Variants in ADAMTS7 observed in about 807,000 individuals in gnomAD.
ADAMTS7 encodes the protein A disintegrin and metalloproteinase with thrombospondin motifs 7.
A neutral mutation model predicts 172.6 loss-of-function variants in ADAMTS7; 89 were observed. The observed-to-expected ratio is 0.52, with a 90% CI of 0.43 to 0.61. ADAMTS7 has a LOEUF of 0.61. Ranked by LOEUF, ADAMTS7 falls within the 20% of genes least tolerant of loss-of-function variation. The pLI is 0.00. For missense variants in ADAMTS7, 1,973 were observed against 2,355.6 expected (o/e 0.84, Z 3.36); for synonymous variants, 885 against 978.4 (o/e 0.90, Z 1.78).
rs1300106375 is a variant in ADAMTS7 at position 78,766,589 on chromosome 15, C to T, written c.3322G>A (p.Gly1108Ser). ...GGCTCTGTGGCAGGCACGGGGCTAC[C>T]CGTGGAGGGCGCAGCAGGATGGCTG... ...PHSHPAAPST[G>S]SPVPATEPPA... Residue 1108 changes from glycine (G) to serine (S), a missense_variant, in exon 19 of 24, where the codon GGT becomes AGT. Gly to Ser is a moderately conservative substitution (Grantham distance 56). Around this residue, in one of 8 missense-constraint regions of ADAMTS7, gnomAD observed 771 missense variants for 952.6 expected, o/e 0.81. Transcript: ENST00000388820. The T allele has an allele frequency of 6.2e-7, 1 of 1,602,040 alleles. No homozygotes were observed. The highest frequency in any genetic ancestry group is 1.1e-5 in the South Asian group (1 of 90,350).
chr15:78,777,434 C>A lies in ADAMTS7; in HGVS notation c.1467+10G>T, dbSNP rs752750314. On this transcript the variant is annotated intron_variant, in intron 9 of 23. Coordinates refer to ENST00000388820, the MANE Select transcript of ADAMTS7 (RefSeq NM_014272.5). ...CCCCACACCCCCACACCCACACCGG[C>A]CCCACTCACATCCATGTCCTCGCAG... 3.7e-6 allele frequency: 6 copies of A among 1,610,844 alleles called. No homozygotes were observed. The highest frequency in any genetic ancestry group is 1.1e-5 in the South Asian group (1 of 90,376).
chr15:78,776,334 C>A lies in ADAMTS7; in HGVS notation c.1561-1G>T. 1 of 1,610,528 alleles carries A rather than the reference C, an allele frequency of 6.2e-7. No homozygotes were observed. Among genetic ancestry groups the A allele is most frequent in the Non-Finnish European group, 8.5e-7 (1 of 1,179,080 alleles). ...GTACGCACTCCCCACTGAGACACCA[C>A]TACTGAGACAGACGGAGGTAGAGCC... On this transcript the variant is annotated splice_acceptor_variant, in intron 10 of 23. Transcript: ENST00000388820. LOFTEE classifies it high-confidence loss of function.
intron 1 of ADAMTS7, among the ~76,000 whole-genome samples, chr15:78,804,677 C>T (rs1367844741): frequency 4.6e-5 from 7 of 152,216 alleles, no homozygotes; most frequent in African/African-American, 1.7e-4. Context: ...TCACAACCGC[C>T]GCAGCGATGC....
At chr15:78,772,336 C>T (rs923702109) in intron 14 of ADAMTS7, among the ~76,000 whole-genome samples, 2 of 152,314 alleles carry the variant, frequency 1.3e-5, no homozygotes, top group South Asian at 2.1e-4. Context: ...GGGATAGTAA[C>T]GTACATGAAC....
In ADAMTS7 at chr15:78,777,525, C is replaced by T. The variant is rs1421245489; in HGVS notation, c.1386G>A (p.Val462=). The T allele has an allele frequency of 3.1e-6, 5 of 1,610,822 alleles. No individual in the cohort carries two copies. Among genetic ancestry groups the T allele is most frequent in the Non-Finnish European group, 4.2e-6 (5 of 1,178,724 alleles). Residue 462 remains valine, a synonymous_variant, in exon 9 of 24, where the codon GTG becomes GTA. Transcript: ENST00000388820. Reference sequence around the variant, plus strand: ...TTACATCATAGAGGACGCCAGGTGGCACCGAGGGGAAGTCGATAATGTCCT... The same window carrying T: ...TTACATCATAGAGGACGCCAGGTGGTACCGAGGGGAAGTCGATAATGTCCT... ...PAKDIIDFPS[V]PPGVLYDVSH... is the part of the protein sequence containing the mutation.
chr15:78,790,240 G>A (rs1343476036), intron 6 of ADAMTS7, among the ~76,000 whole-genome samples: 1 of 152,140 alleles, frequency 6.6e-6, no homozygotes, highest in Non-Finnish European at 1.5e-5. Flanking sequence ...TCTGTATCTA[G>A]ACTGTGGGGG....
Position 78,768,096 on chromosome 15 carries a change from GGGGTGGGGAGTTGGCGGGGGA to G in ADAMTS7, c.2645+16_2645+36del. The G allele has an allele frequency of 7.3e-7, 1 of 1,369,310 alleles. No homozygotes were observed. Among genetic ancestry groups the G allele is most frequent in the Non-Finnish European group, 9.4e-7 (1 of 1,061,654 alleles). 84.8% of individuals were successfully genotyped at this position (1,369,310 alleles called of 1,614,324 possible). A position where few individuals can be genotyped will look rare whatever the true frequency, so the allele number is the denominator to read the frequency against. On this transcript the variant is annotated intron_variant, in intron 17 of 23. Transcript: ENST00000388820. ...TGGGGGTGGGGAGTTGGCGGGGGAT[GGGGTGGGGAGTTGGCGGGGGA>G]TGGGGGCGGGCTCACCTGGCAGGGC...
Position 78,788,252 on chromosome 15 carries a change from T to G in ADAMTS7, c.1301A>C (p.Gln434Pro). The G allele has an allele frequency of 6.2e-7, 1 of 1,613,764 alleles. No homozygotes were observed. The highest frequency in any genetic ancestry group is 1.7e-5 in the Admixed American group (1 of 60,018). Residue 434 changes from glutamine to proline, a missense_variant, in exon 8 of 24, where the codon CAG (glutamine) becomes CCG (proline). Gln to Pro is a moderately conservative substitution (Grantham distance 76). Coordinates refer to ENST00000388820, the MANE Select transcript of ADAMTS7 (RefSeq NM_014272.5). ...APLTWSRCSR[Q>P]YITRFLDRGW... ...TTACTCAAGGAACCTGGTGATATAC[T>G]GGCGGCTGCAGCGGGACCAGGTGAG...
chr15:78,777,528 C>G lies in ADAMTS7; in HGVS notation c.1383G>C (p.Ser461=). Residue 461 remains serine, a synonymous_variant, in exon 9 of 24, where the codon TCG becomes TCC. Transcript: ENST00000388820. The part of the protein sequence containing the change: ...PPAKDIIDFP[S]VPPGVLYDVS... ...CATCATAGAGGACGCCAGGTGGCAC[C>G]GAGGGGAAGTCGATAATGTCCTTGG... 2 of 1,609,752 alleles carry G rather than the reference C, an allele frequency of 1.2e-6. No homozygotes were observed. Among genetic ancestry groups the G allele is most frequent in the Non-Finnish European group, 1.7e-6 (2 of 1,177,924 alleles).
chr15:78,775,515 T>G (rs11072802), intron 11 of ADAMTS7, among the ~76,000 whole-genome samples: 89,283 of 150,268 alleles, frequency 0.59, 28,188 homozygotes, highest in East Asian at 0.78. Context: ...CAGTACCACT[T>G]GCCTCTGCTT....
chr15:78,788,877 A>G (rs187832869), intron 7 of ADAMTS7, among the ~76,000 whole-genome samples: 281 of 152,370 alleles, frequency 1.8e-3, no homozygotes, highest in Middle Eastern at 6.8e-3. Context: ...ACTATGTGCC[A>G]GGGGCCATGC....
At chr15:78,777,346 G>C in intron 9 of ADAMTS7, 98 bp downstream of exon 9, 1 of 1,459,688 alleles carries the variant, frequency 6.9e-7, no homozygotes, top group Non-Finnish European at 9.2e-7. Context: ...GGCCAGGAGA[G>C]GTTGCTCCCA....
chr15:78,762,313 C>T, intron 23 of ADAMTS7, 90 bp downstream of exon 23: 13 of 1,312,712 alleles, frequency 9.9e-6, no homozygotes, highest in South Asian at 8.0e-5. Context: ...CAGCCAGTGC[C>T]GTGGGCACAA....
rs1485342084 is a variant in ADAMTS7 at position 78,789,819 on chromosome 15, T to A, written c.1048A>T (p.Met350Leu). 1.3e-6 allele frequency: 2 copies of A among 1,598,782 alleles called. No homozygotes were observed. Among genetic ancestry groups the A allele is most frequent in the Non-Finnish European group, 1.7e-6 (2 of 1,173,310 alleles). ...CCCAGGGTCTCACAGGGCCGGTTCATGGCTGCACACAGGTCCTTTCTGCAC... is the reference window on the plus strand; with the variant it reads ...CCCAGGGTCTCACAGGGCCGGTTCAAGGCTGCACACAGGTCCTTTCTGCAC... ...LLTRKDLCAA[M>L]NRPCETLGLS... The change falls in exon 7 of 24, where the codon ATG becomes TTG. Residue 350 changes from methionine (M) to leucine (L), a missense_variant. Transcript: ENST00000388820.
rs757294838 is a variant in ADAMTS7, at chr15:78,796,702, C to T, written c.707G>A (p.Arg236Gln). Reference protein sequence around the residue: ...RRPRLRRLHQRSVSKEKWVET... With the variant: ...RRPRLRRLHQQSVSKEKWVET... ...CACCCACTTCTCTTTGCTGACCGAC[C>T]GCTGGTGTAGACGCCTCAGCCGTGG... The change falls in exon 4 of 24, where the codon CGG becomes CAG. Residue 236 changes from arginine (R) to glutamine (Q), a missense_variant. Arg to Gln is a conservative substitution (Grantham distance 43). Coordinates refer to ENST00000388820, the MANE Select transcript of ADAMTS7 (RefSeq NM_014272.5). 8.7e-6 allele frequency: 14 copies of T among 1,613,622 alleles called. No homozygotes were observed. The highest frequency in any genetic ancestry group is 5.0e-5 in the Admixed American group (3 of 60,008).
chr15:78,760,642 C>T (rs866211269), intron 23 of ADAMTS7, among the ~76,000 whole-genome samples: 14 of 152,188 alleles, frequency 9.2e-5, no homozygotes, highest in Non-Finnish European at 2.1e-4. Context: ...TGCTGTGTCA[C>T]TGCAGTGAGC....
chr15:78,779,975 G>A (rs1452651583), intron 8 of ADAMTS7, among the ~76,000 whole-genome samples: 3 of 147,570 alleles, frequency 2.0e-5, no homozygotes, highest in African/African-American at 2.5e-5. Context: ...GAATCAGGCC[G>A]AGGTGCTGTC....
chr15:78,764,353 A>C (rs2055103932), intron 20 of ADAMTS7, among the ~76,000 whole-genome samples: 2 of 152,268 alleles, frequency 1.3e-5, no homozygotes, highest in South Asian at 4.1e-4. Flanking sequence ...AGATGGGGTC[A>C]AAGATACAGA....
intron 2 of ADAMTS7, among the ~76,000 whole-genome samples, chr15:78,799,794 GA>G (rs1243089227): frequency 6.6e-6 from 1 of 151,744 alleles, no homozygotes; most frequent in African/African-American, 2.4e-5. Flanking sequence ...GCCTGCAGGT[GA>G]TTTGAGCTCA....
Sources: gnomAD v4.1 joint callset for allele counts (sites outside exome capture counted in the v4.1 genomes callset) on GRCh38, gnomAD v4.1.1 for gene constraint, gnomAD v4.1.1 regional missense constraint, MANE v1.5 for transcripts, NCBI Gene and HGNC (gene_info 2026-07-23, HGNC 2026-07-21) for gene names.